PTGFRN: variants seen among roughly 807,000 people sequenced by gnomAD.
PTGFRN encodes prostaglandin F2 receptor negative regulator.
In PTGFRN, 35 loss-of-function variants were observed where a neutral mutation model predicts 83.2. The observed-to-expected ratio is 0.42, with a 90% confidence interval of 0.32 to 0.56. The LOEUF (loss-of-function observed/expected upper bound fraction) is 0.56, where lower values mean the gene tolerates loss of function less well. PTGFRN is among the 20% of genes least tolerant of loss of function. PTGFRN has a pLI of 0.11. For missense variants in PTGFRN, 1,051 were observed against 1,179.5 expected, an observed-to-expected ratio of 0.89 and a Z score of 1.60; for synonymous variants, 519 against 498.6, an observed-to-expected ratio of 1.04 and a Z score of -0.55.
At chr1:116,940,608 G>A (rs898750031) in intron 1 of PTGFRN, among the ~76,000 whole-genome samples, 13 of 152,102 alleles carry the variant, frequency 8.5e-5, no homozygotes, top group African/African-American at 3.1e-4. Flanking sequence ...ATTAATAAAA[G>A]GTTCCCATTT....
At position 116,958,394 on chromosome 1, in the gene PTGFRN, G is replaced by A. The variant is rs537058722; in HGVS notation, c.1214-2849G>A. ...TAGAAAATATGAAGTTTAGAAGACA[G>A]TAGGTTTGGTTCATCTGTGAGCTAA... On this transcript the variant is annotated intron_variant, in intron 4 of 8. Transcript: ENST00000393203. This position sits in a 1 kb window ranked among gnomAD's most constrained non-coding sequence, Gnocchi z 4.9. Among the ~76,000 whole-genome samples, 2 of 152,210 alleles carry A rather than the reference G, an allele frequency of 1.3e-5. No homozygotes were observed. The highest frequency in any genetic ancestry group is 2.9e-5 in the Non-Finnish European group (2 of 68,038).
At chr1:116,977,267 A>G (rs930862058) in intron 7 of PTGFRN, among the ~76,000 whole-genome samples, 1 of 152,204 alleles carries the variant, frequency 6.6e-6, no homozygotes, top group African/African-American at 2.4e-5. Context: ...CCACACAATA[A>G]TAATGGGAGA....
intron 6 of PTGFRN, 138 bp downstream of exon 6, chr1:116,967,468 A>G (rs1023478334): frequency 2.2e-6 from 2 of 918,290 alleles, no homozygotes; most frequent in African/African-American, 3.3e-5. Context: ...AAAGTGTGTA[A>G]TTCAGTGGCT....
intron 4 of PTGFRN, among the ~76,000 whole-genome samples, chr1:116,959,463 A>G (rs1055656971): frequency 2.6e-5 from 4 of 152,228 alleles, no homozygotes; most frequent in African/African-American, 9.6e-5. Flanking sequence ...TTCTTGGAGA[A>G]ATCATGATGT....
intron 1 of PTGFRN, among the ~76,000 whole-genome samples, chr1:116,930,841 C>T (rs147958072): frequency 6.6e-6 from 1 of 152,282 alleles, no homozygotes; most frequent in South Asian, 2.1e-4. Flanking sequence ...CCCTTTAGGT[C>T]TTTGCTTATG....
intron 6 of PTGFRN, among the ~76,000 whole-genome samples, chr1:116,969,977 CTAAT>C (rs1335247292): frequency 2.0e-5 from 3 of 151,980 alleles, no homozygotes; most frequent in Non-Finnish European, 2.9e-5. Flanking sequence ...TTTATTAATT[CTAAT>C]TAATTCTAAA....
At chr1:116,950,163 C>G (rs930576978) in intron 4 of PTGFRN, among the ~76,000 whole-genome samples, 1 of 152,176 alleles carries the variant, frequency 6.6e-6, no homozygotes, top group African/African-American at 2.4e-5. Context: ...GTGTTGAGCA[C>G]CTTGCCACCC....
chr1:116,983,608 G>A (rs1651381342), intron 7 of PTGFRN, among the ~76,000 whole-genome samples: 1 of 151,702 alleles, frequency 6.6e-6, no homozygotes, highest in Non-Finnish European at 1.5e-5. Context: ...ATTATCATTT[G>A]GATAATTTCA....
At chr1:116,910,546 C>G (rs1439628656) in intron 1 of PTGFRN, among the ~76,000 whole-genome samples, 5 of 151,952 alleles carry the variant, frequency 3.3e-5, no homozygotes, top group Non-Finnish European at 7.4e-5. Flanking sequence ...GTCTTTCCCC[C>G]AGGTCTCCCT....
chr1:116,933,659 A>G (rs1649853129), intron 1 of PTGFRN, among the ~76,000 whole-genome samples: 1 of 152,140 alleles, frequency 6.6e-6, no homozygotes, highest in Non-Finnish European at 1.5e-5. Context: ...ATTGGTTGAA[A>G]GCATGTTTAT....
chr1:116,953,972 C>T (rs1379692550), intron 4 of PTGFRN, among the ~76,000 whole-genome samples: 1 of 151,810 alleles, frequency 6.6e-6, no homozygotes, highest in East Asian at 1.9e-4. Context: ...CCTGCCCTAG[C>T]CTCCCAAGTA....
intron 1 of PTGFRN, among the ~76,000 whole-genome samples, chr1:116,925,138 C>T (rs1005772816): frequency 6.6e-6 from 1 of 151,816 alleles, no homozygotes; most frequent in Non-Finnish European, 1.5e-5. Flanking sequence ...ACAGAGAAAG[C>T]GATAAACCAG....
Position 116,931,346 on chromosome 1 carries a change from G to A in PTGFRN, c.50-10369G>A, listed in dbSNP as rs147792086. Among the ~76,000 whole-genome samples, 3 of 152,236 alleles carry A rather than the reference G, an allele frequency of 2.0e-5. No individual in the cohort carries two copies. In the East Asian group the frequency reaches 5.8e-4, roughly 29 times the overall value. On this transcript the variant is annotated intron_variant, in intron 1 of 8. Transcript: ENST00000393203. ...TCCTGACTCTTAGCATACCATACGTGCCTTAAAAGAAGATCCACAAGCTGA... is the reference window on the plus strand; with the variant it reads ...TCCTGACTCTTAGCATACCATACGTACCTTAAAAGAAGATCCACAAGCTGA...
Position 116,923,000 on chromosome 1 carries a change from C to T in PTGFRN, c.49+12748C>T, listed in dbSNP as rs543522311. 2.0e-5 allele frequency among the ~76,000 whole-genome samples: 3 copies of T among 152,328 alleles called. No individual in the cohort carries two copies. In the East Asian group the frequency reaches 5.8e-4, roughly 29 times the overall value. ...TTGGACCCAGGAGCGCTGCCGCCTA[C>T]AGCATGGGCCAGCCTGCGTCAGCTC... On this transcript the variant is annotated intron_variant, in intron 1 of 8. Coordinates refer to ENST00000393203, the MANE Select transcript of PTGFRN (RefSeq NM_020440.4).
intron 6 of PTGFRN, among the ~76,000 whole-genome samples, chr1:116,971,326 T>C (rs987591412): frequency 2.0e-5 from 3 of 151,904 alleles, no homozygotes; most frequent in African/African-American, 7.3e-5. Context: ...TCTGTAACTT[T>C]TGCTTTCATT....
chr1:116,939,530 GC>G (rs1650011765), intron 1 of PTGFRN, among the ~76,000 whole-genome samples: 1 of 152,166 alleles, frequency 6.6e-6, no homozygotes, highest in Non-Finnish European at 1.5e-5. Flanking sequence ...CCTGGACCTG[GC>G]CCATGAAACC....
At chr1:116,930,723 AG>A (rs1649774700) in intron 1 of PTGFRN, among the ~76,000 whole-genome samples, 1 of 152,026 alleles carries the variant, frequency 6.6e-6, no homozygotes, top group South Asian at 2.1e-4. Context: ...CCATTGATAG[AG>A]GGTCCCTGAA....
intron 1 of PTGFRN, among the ~76,000 whole-genome samples, chr1:116,937,459 A>G (rs1425327105): frequency 6.6e-6 from 1 of 152,240 alleles, no homozygotes; most frequent in Non-Finnish European, 1.5e-5. Context: ...GGCCGGGGCC[A>G]GGGTGACAGC....
chr1:116,934,162 T>C (rs936624885), intron 1 of PTGFRN, among the ~76,000 whole-genome samples: 1 of 152,198 alleles, frequency 6.6e-6, no homozygotes, highest in African/African-American at 2.4e-5. Context: ...TTGTTTTTTT[T>C]TGAGACAGGG....
Sources: allele counts gnomAD v4.1 joint callset (sites outside exome capture counted in the v4.1 genomes callset), GRCh38; gene constraint gnomAD v4.1.1; non-coding constraint Gnocchi (gnomAD v3.1); transcripts MANE v1.5; gene names NCBI Gene and HGNC (gene_info 2026-07-23, HGNC 2026-07-21).